The following SNX7 variants were observed in gnomAD, a reference collection of about 807,000 sequenced individuals.
SNX7 encodes sorting nexin 7, also known as sorting nexin-7.
Under a neutral mutation model 48.4 loss-of-function variants are expected in SNX7, and 35 were observed. That is an observed-to-expected ratio of 0.72 (90% CI 0.55 to 0.96). The LOEUF is 0.96. Among genes scored for constraint, SNX7 ranks in the 40% least tolerant of loss-of-function variants. SNX7 has a pLI of 0.00. For synonymous variants in SNX7, 190 were observed against 190.2 expected (o/e 1.00, Z 0.01); for missense variants, 553 against 548.9 (o/e 1.01, Z -0.07).
intron 1 of SNX7, among the ~76,000 whole-genome samples, chr1:98,683,593 G>A (rs970406784): frequency 5.9e-5 from 9 of 152,148 alleles, no homozygotes; most frequent in African/African-American, 2.2e-4. Context: ...TGAGATTATA[G>A]TGAAAGGAAG....
intron 8 of SNX7, among the ~76,000 whole-genome samples, chr1:98,748,598 A>C (rs996423531): frequency 1.3e-5 from 2 of 151,518 alleles, no homozygotes; most frequent in Non-Finnish European, 2.9e-5. Flanking sequence ...CTATGGGCCA[A>C]TATAATAGTT....
At chr1:98,749,035 G>A (rs72726157) in intron 8 of SNX7, among the ~76,000 whole-genome samples, 5,740 of 152,238 alleles carry the variant, frequency 0.038, 153 homozygotes, top group Middle Eastern at 0.058. Context: ...TAAGCTTGAT[G>A]TCTGAAGTGT....
At chr1:98,735,567 A>G (rs1230754559) in intron 7 of SNX7, among the ~76,000 whole-genome samples, 1 of 152,142 alleles carries the variant, frequency 6.6e-6, no homozygotes, top group Non-Finnish European at 1.5e-5. Context: ...GAAGAATGAC[A>G]TATTACCAGA....
At chr1:98,698,570 T>C (rs1651578474) in intron 5 of SNX7, 136 bp from the exon 6 acceptor site, 1 of 757,814 alleles carries the variant, frequency 1.3e-6, no homozygotes, top group African/African-American at 1.8e-5. Context: ...TGAAGGATGA[T>C]ATCCGTTTTC....
At chr1:98,671,761 A>G (rs1275958007) in intron 1 of SNX7, among the ~76,000 whole-genome samples, 1 of 152,132 alleles carries the variant, frequency 6.6e-6, no homozygotes, top group Non-Finnish European at 1.5e-5. Context: ...TTGTCTTTTT[A>G]GGTAATTTCA....
intron 1 of SNX7, among the ~76,000 whole-genome samples, chr1:98,681,370 A>G (rs1392497843): frequency 6.6e-6 from 1 of 152,212 alleles, no homozygotes; most frequent in Non-Finnish European, 1.5e-5. Flanking sequence ...AGGCAGGAGG[A>G]TTGTTTGAAG....
chr1:98,744,421 G>A (rs149394816), intron 8 of SNX7, among the ~76,000 whole-genome samples: 114 of 152,024 alleles, frequency 7.5e-4, no homozygotes, highest in Non-Finnish European at 1.4e-3. Context: ...AAAAAAACAG[G>A]CAATGTCAGT....
chr1:98,750,906 C>T (rs920153991), intron 8 of SNX7, among the ~76,000 whole-genome samples: 1 of 152,038 alleles, frequency 6.6e-6, no homozygotes, highest in African/African-American at 2.4e-5. Context: ...CTGGGTCAAG[C>T]AAAGCAGAGC....
rs35117249 is a variant in SNX7, at chr1:98,756,422, G to GTTTTTT, written c.1279-3613_1279-3608dup. 1.7e-3 allele frequency among the ~76,000 whole-genome samples: 91 copies of GTTTTTT among 54,686 alleles called. 6 individuals are homozygous for GTTTTTT. The highest frequency in any genetic ancestry group is 1.8e-3 in the African/African-American group (26 of 14,600). The allele number at this position is 54,686 out of a possible 152,430, so 35.9% of individuals were successfully genotyped here. ...GGTCTCTTTTTTTTCTGCCAGATGA[G>GTTTTTT]TTTTTTTTTTTTTTTTTTTTTTTTA... On this transcript the variant is annotated intron_variant, in intron 8 of 8. Transcript: ENST00000306121.
chr1:98,737,157 T>A (rs753838534), intron 7 of SNX7, among the ~76,000 whole-genome samples: 1 of 152,020 alleles, frequency 6.6e-6, no homozygotes, highest in Non-Finnish European at 1.5e-5. Flanking sequence ...TACCTCCAGG[T>A]CATTGCCCTT....
At chr1:98,725,984 T>G (rs1052493853) in intron 7 of SNX7, among the ~76,000 whole-genome samples, 1 of 152,218 alleles carries the variant, frequency 6.6e-6, no homozygotes, top group South Asian at 2.1e-4. Context: ...AGCTCTTTGT[T>G]TCTCCTGTGG....
intron 5 of SNX7, 40 bp from the exon 6 acceptor site, chr1:98,698,666 T>C: frequency 3.2e-6 from 5 of 1,556,992 alleles, no homozygotes; most frequent in South Asian, 2.4e-5. Context: ...TGAAAACTTT[T>C]GTTTATTGAA....
At chr1:98,747,978 C>T (rs1308961625) in intron 8 of SNX7, among the ~76,000 whole-genome samples, 2 of 131,894 alleles carry the variant, frequency 1.5e-5, no homozygotes, top group Admixed American at 1.6e-4. Flanking sequence ...CAGGTTTTTA[C>T]TTTTTTTTTT....
Position 98,760,357 on chromosome 1 carries a change from G to T in SNX7, c.*226G>T. 2.8e-6 allele frequency: 1 copy of T among 359,326 alleles called. No homozygotes were observed. Among genetic ancestry groups the T allele is most frequent in the Non-Finnish European group, 5.0e-6 (1 of 199,814 alleles). 22.3% of individuals were successfully genotyped at this position (359,326 alleles called of 1,614,324 possible). A position where few individuals can be genotyped will look rare whatever the true frequency, so the allele number is the denominator to read the frequency against. On this transcript the variant is annotated 3_prime_UTR_variant, in exon 9 of 9. Transcript: ENST00000306121. ...ATGTATATAGATATATAAATACAGA[G>T]AGATATCTGGCTTGGTTTTAATTAT...
chr1:98,711,207 G>C (rs964170371), intron 7 of SNX7, among the ~76,000 whole-genome samples: 46 of 152,120 alleles, frequency 3.0e-4, no homozygotes, highest in Middle Eastern at 3.4e-3. Context: ...AATAGAGACA[G>C]GGTTTCGCCA....
rs183693408 is a variant in SNX7, at chr1:98,711,041, G to T, written c.1125+9138G>T. On this transcript the variant is annotated intron_variant, in intron 7 of 8. Transcript: ENST00000306121. ...TATAAATAGTTATTATTTTGAGACAGAATCTAGCTCTGTCACCCAGGCTGG... is the reference window on the plus strand; with the variant it reads ...TATAAATAGTTATTATTTTGAGACATAATCTAGCTCTGTCACCCAGGCTGG... 2.5e-3 allele frequency among the ~76,000 whole-genome samples: 388 copies of T among 152,238 alleles called. 1 individual carries two copies. Among genetic ancestry groups the T allele is most frequent in the Admixed American group, 3.4e-3 (52 of 15,272 alleles).
At chr1:98,714,018 A>G (rs1652456985) in intron 7 of SNX7, among the ~76,000 whole-genome samples, 1 of 152,220 alleles carries the variant, frequency 6.6e-6, no homozygotes, top group Non-Finnish European at 1.5e-5. Flanking sequence ...ACAAAGCTTC[A>G]ATTTGTTAGA....
chr1:98,728,828 T>A (rs1274941350), intron 7 of SNX7, among the ~76,000 whole-genome samples: 3 of 152,140 alleles, frequency 2.0e-5, no homozygotes, highest in African/African-American at 7.2e-5. Context: ...AGGCTTAGAT[T>A]CCCACATAAT....
intron 7 of SNX7, among the ~76,000 whole-genome samples, chr1:98,728,450 C>T (rs779119798): frequency 6.6e-6 from 1 of 152,084 alleles, no homozygotes; most frequent in Non-Finnish European, 1.5e-5. Context: ...CACATAGCAA[C>T]ATTGGCCTTA....
Sources: allele counts gnomAD v4.1 joint callset (sites outside exome capture counted in the v4.1 genomes callset), GRCh38; gene constraint gnomAD v4.1.1; transcripts MANE v1.5; gene names NCBI Gene and HGNC (gene_info 2026-07-23, HGNC 2026-07-21).